The following LTC4S variants were observed in gnomAD, a reference collection of about 807,000 sequenced individuals.
LTC4S encodes the protein leukotriene C4 synthase.
LTC4S carries 18 observed loss-of-function variants against 19.6 expected under a neutral mutation model. The ratio of observed to expected loss-of-function variants is 0.92; its 90% CI spans 0.64 to 1.36. The LOEUF (loss-of-function observed/expected upper bound fraction) is 1.36, where lower values mean the gene tolerates loss of function less well. Ranked by LOEUF, LTC4S falls within the 40% of genes most tolerant of loss-of-function variation. The pLI, the probability that LTC4S is intolerant of heterozygous loss-of-function variation, is 0.00. For synonymous variants in LTC4S, 126 were observed against 110.1 expected (o/e 1.14, Z -0.91); for missense variants, 235 against 212.2 (o/e 1.11, Z -0.67).
chr5:179,794,133 T>C lies in LTC4S; in HGVS notation c.53T>C (p.Leu18Pro). The C allele has an allele frequency of 6.2e-7, 1 of 1,613,446 alleles. No homozygotes were observed. Among genetic ancestry groups the C allele is most frequent in the Non-Finnish European group, 8.5e-7 (1 of 1,179,904 alleles). ...GCTGTCACCCTCCTGGGAGTCCTGCTGCAAGGTGGGCTGGTTCCTATCTAG... is the reference window on the plus strand; with the variant it reads ...GCTGTCACCCTCCTGGGAGTCCTGCCGCAAGGTGGGCTGGTTCCTATCTAG... ...LAAVTLLGVL[L>P]QAYFSLQVIS... The change falls in exon 1 of 5, where the codon CTG becomes CCG. Residue 18 changes from leucine (L) to proline (P), a missense_variant. Leu to Pro is a moderately conservative substitution (Grantham distance 98, BLOSUM62 -3). Transcript: ENST00000292596.
chr5:179,795,495 G>C, intron 1 of LTC4S, 89 bp from the exon 2 acceptor site: 1 of 1,532,222 alleles, frequency 6.5e-7, no homozygotes, highest in Non-Finnish European at 8.8e-7. Context: ...ACACGGCCAA[G>C]TGAAGGGCCA....
In LTC4S at chr5:179,796,572, G is replaced by A. The variant is rs1318734393; in HGVS notation, c.*178G>A. On this transcript the variant is annotated 3_prime_UTR_variant, in exon 5 of 5. Coordinates refer to ENST00000292596, the MANE Select transcript of LTC4S (RefSeq NM_145867.2). The stretch of plus-strand genomic sequence containing the variant: ...GCACCGCGGGCTACGGAGCCTGGAG[G>A]GGCCCAGCCCGAGTCCGGGCAGCCC... The A allele has an allele frequency of 9.7e-7, 1 of 1,028,882 alleles. No individual in the cohort carries two copies. Among genetic ancestry groups the A allele is most frequent in the Non-Finnish European group, 1.3e-6 (1 of 781,626 alleles). The allele number at this position is 1,028,882 out of a possible 1,614,324, so 63.7% of individuals were successfully genotyped here.
intron 1 of LTC4S, 38 bp from the exon 2 acceptor site, chr5:179,795,546 G>A (rs1241927181): frequency 1.5e-5 from 23 of 1,579,226 alleles, no homozygotes; most frequent in Non-Finnish European, 1.9e-5. Flanking sequence ...GGGGCTTCGG[G>A]TGTCCAGACC....
At position 179,795,999 on chromosome 5, in the gene LTC4S, C is replaced by A. The variant is rs1218177999; in HGVS notation, c.288C>A (p.Gly96=). ...TCGCGCGCCTCCGCTACTTCCAGGG[C>A]TACGCGCGCTCCGCGCAGCTCAGGT... ...YLFARLRYFQ[G]YARSAQLRLA... The change falls in exon 4 of 5, where the codon GGC becomes GGA. Residue 96 remains glycine (G), a synonymous_variant. Transcript: ENST00000292596. The A allele has an allele frequency of 1.1e-5, 17 of 1,534,210 alleles. No individual in the cohort carries two copies. The highest frequency in any genetic ancestry group is 1.5e-5 in the Non-Finnish European group (17 of 1,146,452).
chr5:179,794,598 CCA>C (rs1291708395), intron 1 of LTC4S, among the ~76,000 whole-genome samples: 1 of 152,270 alleles, frequency 6.6e-6, no homozygotes, highest in Admixed American at 6.5e-5. Context: ...CACCACTACT[CCA>C]CAGTGTGTGG....
intron 1 of LTC4S, among the ~76,000 whole-genome samples, chr5:179,794,799 G>C (rs895437038): frequency 6.6e-6 from 1 of 152,194 alleles, no homozygotes; most frequent in African/African-American, 2.4e-5. Flanking sequence ...GTCTGGGGAG[G>C]GAGCGCACAG....
chr5:179,796,355 G>T lies in LTC4S; in HGVS notation c.414G>T (p.Ala138=), dbSNP rs1286822165. The change falls in exon 5 of 5, where the codon GCG becomes GCT. Residue 138 remains alanine, a synonymous_variant. Coordinates refer to ENST00000292596, the MANE Select transcript of LTC4S (RefSeq NM_145867.2). ...TCCTCCCGGCCGCGCTGCGCGCCGC[G>T]CTCCTCGGACGGCTCCGGACGCTGC... ...AHFLPAALRA[A]LLGRLRTLLP... The T allele has an allele frequency of 1.3e-5, 20 of 1,491,076 alleles. No individual in the cohort carries two copies. Among genetic ancestry groups the T allele is most frequent in the Non-Finnish European group, 1.7e-5 (19 of 1,128,280 alleles). 92.4% of individuals were successfully genotyped at this position (1,491,076 alleles called of 1,614,324 possible).
At chr5:179,795,177 C>T (rs1167861976) in intron 1 of LTC4S, 3 of 248,288 alleles carry the variant, frequency 1.2e-5, no homozygotes, top group Non-Finnish European at 2.3e-5. Flanking sequence ...ATGCAGCCAG[C>T]TCTGCCCTCA....
Position 179,795,844 on chromosome 5 carries a change from T to C in LTC4S, c.217T>C (p.Phe73Leu), listed in dbSNP as rs1456748581. 1 of 1,606,618 alleles carries C rather than the reference T, an allele frequency of 6.2e-7. No homozygotes were observed. The highest frequency in any genetic ancestry group is 1.3e-5 in the African/African-American group (1 of 74,818). Residue 73 changes from phenylalanine to leucine, a missense_variant, in exon 3 of 5, where the codon TTC (phenylalanine) becomes CTC (leucine). By Grantham distance (22) the Phe-to-Leu change is conservative. Coordinates refer to ENST00000292596, the MANE Select transcript of LTC4S (RefSeq NM_145867.2). ...FLATLWVAGI[F>L]FHEGAAALCG... The stretch of plus-strand genomic sequence containing the variant: ...CGCCACGCTCTGGGTCGCCGGCATC[T>C]TCTTTCATGAAGGTCGGGGTGTGGG...
chr5:179,794,213 T>G (rs995283550), intron 1 of LTC4S, 75 bp downstream of exon 1: 8 of 1,584,908 alleles, frequency 5.0e-6, no homozygotes, highest in Non-Finnish European at 6.0e-6. Flanking sequence ...TAGGCCCAGG[T>G]GGAGGGCAGA....
chr5:179,795,583 G>C lies in LTC4S; in HGVS notation c.59-1G>C, dbSNP rs747960489. The C allele has an allele frequency of 3.1e-6, 5 of 1,608,264 alleles. No homozygotes were observed. In the East Asian group the frequency reaches 1.1e-4, roughly 36 times the overall value. On this transcript the variant is annotated splice_acceptor_variant, in intron 1 of 4. Coordinates refer to ENST00000292596, the MANE Select transcript of LTC4S (RefSeq NM_145867.2). LOFTEE classifies it high-confidence loss of function. ...GACTCCCGCTCCCCCTCCTCCCCCA[G>C]CCTACTTCTCCCTGCAGGTGATCTC...
chr5:179,795,497 G>A (rs995224033), intron 1 of LTC4S, 87 bp from the exon 2 acceptor site: 1 of 1,532,910 alleles, frequency 6.5e-7, no homozygotes, highest in South Asian at 1.2e-5. Context: ...ACGGCCAAGT[G>A]AAGGGCCAGA....
chr5:179,794,062 C>A lies in LTC4S; in HGVS notation c.-19C>A. On this transcript the variant is annotated 5_prime_UTR_variant, in exon 1 of 5. Transcript: ENST00000292596. ...AGCTCGCCTTCACACACAGCCCGTG[C>A]CACCACACCGACGGTACCATGAAGG... is the stretch of plus-strand genomic sequence containing the variant. The A allele has an allele frequency of 6.2e-7, 1 of 1,613,552 alleles. No homozygotes were observed. Among genetic ancestry groups the A allele is most frequent in the Non-Finnish European group, 8.5e-7 (1 of 1,179,920 alleles).
At position 179,796,533 on chromosome 5, in the gene LTC4S, T is replaced by TCCGCGGGGGTGGCGCA. The variant is rs2113416155; in HGVS notation, c.*147_*162dup. On this transcript the variant is annotated 3_prime_UTR_variant, in exon 5 of 5. Transcript: ENST00000292596. ...CGAGACCCGGGCTGCGTTCTCTGGG[T>TCCGCGGGGGTGGCGCA]CCGCGGGGGTGGCGCACCGCGGGCT... The TCCGCGGGGGTGGCGCA allele has an allele frequency of 8.0e-7, 1 of 1,242,666 alleles. No homozygotes were observed. Among genetic ancestry groups the TCCGCGGGGGTGGCGCA allele is most frequent in the East Asian group, 3.3e-5 (1 of 30,662 alleles). The allele number at this position is 1,242,666 out of a possible 1,614,324, so 77.0% of individuals were successfully genotyped here. A position where few individuals can be genotyped will look rare whatever the true frequency, so the allele number is the denominator to read the frequency against.
intron 3 of LTC4S, 35 bp downstream of exon 3, chr5:179,795,891 C>G: frequency 3.8e-6 from 6 of 1,595,926 alleles, no homozygotes; most frequent in Non-Finnish European, 5.1e-6. Flanking sequence ...CGCGCTGGAC[C>G]CCCGGGACCC....
Position 179,796,523 on chromosome 5 carries a change from G to A in LTC4S, c.*129G>A, listed in dbSNP as rs1756636403. On this transcript the variant is annotated 3_prime_UTR_variant, in exon 5 of 5. Transcript: ENST00000292596. ...TTCTAGTGACCGAGACCCGGGCTGC[G>A]TTCTCTGGGTCCGCGGGGGTGGCGC... The A allele has an allele frequency of 4.7e-6, 6 of 1,278,690 alleles. No individual in the cohort carries two copies. The highest frequency in any genetic ancestry group is 6.0e-6 in the Non-Finnish European group (6 of 1,004,086). The allele number at this position is 1,278,690 out of a possible 1,614,324, so 79.2% of individuals were successfully genotyped here.
At position 179,796,596 on chromosome 5, in the gene LTC4S, C is replaced by A; in HGVS notation, c.*202C>A. 1 of 717,780 alleles carries A rather than the reference C, an allele frequency of 1.4e-6. No individual in the cohort carries two copies. The highest frequency in any genetic ancestry group is 2.0e-6 in the Non-Finnish European group (1 of 503,598). 44.5% of individuals were successfully genotyped at this position (717,780 alleles called of 1,614,324 possible). Reference sequence around the variant, plus strand: ...GGGGCCCAGCCCGAGTCCGGGCAGCCCGGGGCGGGCTTCCTAGTGGCGGCG... The same window carrying A: ...GGGGCCCAGCCCGAGTCCGGGCAGCACGGGGCGGGCTTCCTAGTGGCGGCG... On this transcript the variant is annotated 3_prime_UTR_variant, in exon 5 of 5. Coordinates refer to ENST00000292596, the MANE Select transcript of LTC4S (RefSeq NM_145867.2).
In LTC4S at chr5:179,795,631, T is replaced by C. The variant is rs765576287; in HGVS notation, c.106T>C (p.Ser36Pro). ...CTCGGCGCGCAGGGCCTTCCGCGTG[T>C]CGCCGCCGCTCACCACCGGCCCACC... ...VISARRAFRV[S>P]PPLTTGPPEF... Residue 36 changes from serine to proline, a missense_variant, in exon 2 of 5, where the codon TCG (serine) becomes CCG (proline). By Grantham distance (74) the Ser-to-Pro change is moderately conservative. Coordinates refer to ENST00000292596, the MANE Select transcript of LTC4S (RefSeq NM_145867.2). 2 of 1,609,616 alleles carry C rather than the reference T, an allele frequency of 1.2e-6. No individual in the cohort carries two copies. The highest frequency in any genetic ancestry group is 4.5e-5 in the East Asian group (2 of 44,790).
rs996819341 is a variant in LTC4S at position 179,796,562 on chromosome 5, G to A, written c.*168G>A. 2.4e-5 allele frequency: 26 copies of A among 1,099,250 alleles called. No homozygotes were observed. In the African/African-American group the frequency reaches 4.0e-4, roughly 17 times the overall value. 68.1% of individuals were successfully genotyped at this position (1,099,250 alleles called of 1,614,324 possible). A position where few individuals can be genotyped will look rare whatever the true frequency, so the allele number is the denominator to read the frequency against. ...CGGGGGTGGCGCACCGCGGGCTACG[G>A]AGCCTGGAGGGGCCCAGCCCGAGTC... On this transcript the variant is annotated 3_prime_UTR_variant, in exon 5 of 5. Coordinates refer to ENST00000292596, the MANE Select transcript of LTC4S (RefSeq NM_145867.2).
Sources: allele counts gnomAD v4.1 joint callset (sites outside exome capture counted in the v4.1 genomes callset), GRCh38; gene constraint gnomAD v4.1.1; transcripts MANE v1.5; gene names NCBI Gene and HGNC (gene_info 2026-07-23, HGNC 2026-07-21).